DHRS12: variants seen among roughly 807,000 people sequenced by gnomAD.
DHRS12 encodes dehydrogenase/reductase SDR family member 12.
A neutral mutation model predicts 32.1 loss-of-function variants in DHRS12; 29 were observed. That is an observed-to-expected ratio of 0.90 (90% CI 0.67 to 1.23). The LOEUF is 1.23. Ranked by LOEUF, DHRS12 falls within the 50% of genes most tolerant of loss-of-function variation. The pLI, the probability that DHRS12 is intolerant of heterozygous loss-of-function variation, is 0.00. For missense variants in DHRS12, 330 were observed against 337.2 expected, an observed-to-expected ratio of 0.98 and a Z score of 0.17; for synonymous variants, 150 against 135.9, an observed-to-expected ratio of 1.10 and a Z score of -0.72.
chr13:51,780,203 AAATAAG>A (rs1422408744), intron 4 of DHRS12, among the ~76,000 whole-genome samples: 1 of 152,016 alleles, frequency 6.6e-6, no homozygotes, highest in Non-Finnish European at 1.5e-5. Flanking sequence ...ATAAATAAAT[AAATAAG>A]AATGTCTCTG....
intron 1 of DHRS12, among the ~76,000 whole-genome samples, chr13:51,802,169 T>TCACACACACACACACACA (rs56270918): frequency 7.2e-6 from 1 of 139,782 alleles, no homozygotes; most frequent in Non-Finnish European, 1.5e-5. Context: ...TCTCTATTTT[T>TCACACACACACACACACA]CACACACACA....
At chr13:51,803,574 T>C (rs1955852687) in intron 1 of DHRS12, 1 of 152,544 alleles carries the variant, frequency 6.6e-6, no homozygotes, top group African/African-American at 2.4e-5. Context: ...GGCTGGAAAG[T>C]TCCAGCTGGA....
intron 7 of DHRS12, chr13:51,770,661 G>T: frequency 1.5e-6 from 1 of 667,766 alleles, no homozygotes; most frequent in Non-Finnish European, 1.9e-6. Context: ...GTACAGGTGA[G>T]GACTAATTTC....
intron 4 of DHRS12, 92 bp from the exon 5 acceptor site, chr13:51,777,213 C>T (rs1394297997): frequency 6.8e-7 from 1 of 1,465,570 alleles, no homozygotes; most frequent in East Asian, 2.3e-5. Context: ...TCTGCCCGCA[C>T]CCGCCCCCCA....
chr13:51,777,305 A>G, intron 4 of DHRS12, 184 bp from the exon 5 acceptor site: 1 of 619,444 alleles, frequency 1.6e-6, no homozygotes, highest in Non-Finnish European at 2.9e-6. Flanking sequence ...CCAGGACTGG[A>G]AGAAAGATGC....
Position 51,769,308 on chromosome 13 carries a change from G to A in DHRS12, c.560-15C>T. On this transcript the variant is annotated splice_polypyrimidine_tract_variant and intron_variant, in intron 7 of 8. Coordinates refer to ENST00000444610, the MANE Select transcript of DHRS12 (RefSeq NM_001377533.1). Reference sequence around the variant, plus strand: ...CTGCCTCACACCTGGGAGAAGGAAGGGTCAGGCGGATTAGGACAGCATTCT... The same window carrying A: ...CTGCCTCACACCTGGGAGAAGGAAGAGTCAGGCGGATTAGGACAGCATTCT... 1 of 1,539,088 alleles carries A rather than the reference G, an allele frequency of 6.5e-7. No homozygotes were observed. The highest frequency in any genetic ancestry group is 8.8e-7 in the Non-Finnish European group (1 of 1,141,508).
intron 4 of DHRS12, among the ~76,000 whole-genome samples, chr13:51,785,607 C>T (rs537521514): frequency 2.0e-5 from 3 of 152,176 alleles, no homozygotes; most frequent in East Asian, 1.9e-4. Context: ...ATACGTTGGC[C>T]AGAATATGCC....
intron 7 of DHRS12, 114 bp from the exon 8 acceptor site, chr13:51,769,407 C>T (rs991755606): frequency 2.2e-6 from 2 of 913,220 alleles, no homozygotes; most frequent in Middle Eastern, 3.3e-4. Context: ...TCATAAACTG[C>T]TCCTTCTATT....
intron 2 of DHRS12, among the ~76,000 whole-genome samples, chr13:51,792,229 G>T (rs1308447079): frequency 2.0e-5 from 3 of 152,170 alleles, no homozygotes; most frequent in Non-Finnish European, 2.9e-5. Flanking sequence ...GTGTGCAAGG[G>T]TTCCAATTTC....
At chr13:51,763,869 C>T (rs1383045617), downstream of DHRS12, 2 of 152,106 alleles carry the variant, frequency 1.3e-5, no homozygotes, top group African/African-American at 4.8e-5. Context: ...TGTTTTTAAG[C>T]AAAAGGATAG....
At chr13:51,773,879 C>T (rs1315008484) in intron 6 of DHRS12, 51 bp downstream of exon 6, 1 of 1,487,200 alleles carries the variant, frequency 6.7e-7, no homozygotes, top group Admixed American at 1.7e-5. Flanking sequence ...TGGAAAAGGG[C>T]CCTCGCAGCC....
chr13:51,795,486 T>C (rs1253280158), intron 2 of DHRS12, among the ~76,000 whole-genome samples: 3 of 152,224 alleles, frequency 2.0e-5, no homozygotes, highest in East Asian at 1.9e-4. Flanking sequence ...TCCCATCTTG[T>C]AGCCCTTATC....
At chr13:51,759,832 A>T in the DHRS12 span, 1 of 1,069,590 alleles carries the variant, frequency 9.3e-7, no homozygotes, top group Non-Finnish European at 1.3e-6. Context: ...AACCCAAATC[A>T]TTACCAGAGT....
intron 4 of DHRS12, among the ~76,000 whole-genome samples, chr13:51,784,781 C>T (rs567041366): frequency 1.3e-5 from 2 of 152,206 alleles, no homozygotes; most frequent in Admixed American, 6.5e-5. Context: ...AGTCTCCATA[C>T]CAAACTCCCT....
intron 4 of DHRS12, among the ~76,000 whole-genome samples, chr13:51,780,185 A>G (rs1173746125): frequency 2.0e-5 from 3 of 151,844 alleles, no homozygotes; most frequent in Non-Finnish European, 4.4e-5. Context: ...TCAAAAATAA[A>G]TAAATAAATA....
intron 4 of DHRS12, among the ~76,000 whole-genome samples, chr13:51,785,644 T>C (rs141412349): frequency 6.6e-6 from 1 of 152,310 alleles, no homozygotes; most frequent in East Asian, 1.9e-4. Context: ...ACAAGATATT[T>C]GGCACATACT....
At chr13:51,771,158 C>T (rs571257952) in intron 7 of DHRS12, 25 of 1,532,232 alleles carry the variant, frequency 1.6e-5, no homozygotes, top group Non-Finnish European at 2.0e-5. Flanking sequence ...AGGACAAATG[C>T]GTTAATCCGC....
intron 6 of DHRS12, chr13:51,772,943 G>A (rs1386157917): frequency 1.0e-6 from 1 of 985,398 alleles, no homozygotes; most frequent in Non-Finnish European, 1.2e-6. Context: ...TGGAGGTGCA[G>A]AGAGTCTCAG....
chr13:51,776,306 A>G (rs1593520049), intron 5 of DHRS12: 1 of 151,680 alleles, frequency 6.6e-6, no homozygotes. Flanking sequence ...CTCAGAGGAG[A>G]CTCCATTCCT....
Sources: gnomAD v4.1 joint callset for allele counts (sites outside exome capture counted in the v4.1 genomes callset) on GRCh38, gnomAD v4.1.1 for gene constraint, MANE v1.5 for transcripts, NCBI Gene and HGNC (gene_info 2026-07-23, HGNC 2026-07-21) for gene names.